BAZ1B: variants seen among roughly 807,000 people sequenced by gnomAD.
BAZ1B encodes the protein bromodomain adjacent to zinc finger domain 1B.
Under a neutral mutation model 153.8 loss-of-function variants are expected in BAZ1B, and 22 were observed. The ratio of observed to expected loss-of-function variants is 0.14; its 90% CI spans 0.10 to 0.20. The LOEUF (loss-of-function observed/expected upper bound fraction) is 0.20. Ranked by LOEUF, BAZ1B falls within the 10% of genes least tolerant of loss-of-function variation. The pLI is 1.00. For synonymous variants in BAZ1B, 676 were observed against 633.4 expected, an observed-to-expected ratio of 1.07 and a Z score of -1.01; for missense variants, 1,325 against 1,799.3, an observed-to-expected ratio of 0.74 and a Z score of 4.77.
intron 7 of BAZ1B, among the ~76,000 whole-genome samples, chr7:73,472,679 C>T (rs1345491825): frequency 6.6e-6 from 1 of 152,062 alleles, no homozygotes; most frequent in Non-Finnish European, 1.5e-5. Context: ...CAGGTTCAAG[C>T]GATTCTCCTG....
chr7:73,461,028 TGCAATG>T (rs1319711607), intron 12 of BAZ1B, among the ~76,000 whole-genome samples: 1 of 151,706 alleles, frequency 6.6e-6, no homozygotes, highest in Non-Finnish European at 1.5e-5. Context: ...CAGGCTGGAG[TGCAATG>T]GCGCGATCTC....
At chr7:73,506,008 T>C (rs999932678) in intron 3 of BAZ1B, among the ~76,000 whole-genome samples, 1 of 152,208 alleles carries the variant, frequency 6.6e-6, no homozygotes, top group Non-Finnish European at 1.5e-5. Context: ...CACTTCAAGA[T>C]TTCCGTGCAA....
At chr7:73,494,235 T>G (rs1173024784) in intron 4 of BAZ1B, among the ~76,000 whole-genome samples, 1 of 151,574 alleles carries the variant, frequency 6.6e-6, no homozygotes, top group East Asian at 1.9e-4. Flanking sequence ...TAGAAAAAAT[T>G]AGCTGGGCAT....
intron 6 of BAZ1B, among the ~76,000 whole-genome samples, chr7:73,481,416 C>G (rs10266882): frequency 6.6e-6 from 1 of 150,450 alleles, no homozygotes; most frequent in African/African-American, 2.4e-5. Flanking sequence ...ACTCGGGAGG[C>G]TGAGGCAGGA....
chr7:73,466,749 C>G (rs921852155), intron 9 of BAZ1B, among the ~76,000 whole-genome samples: 5 of 152,114 alleles, frequency 3.3e-5, no homozygotes, highest in Non-Finnish European at 4.4e-5. Flanking sequence ...TGTAGTGAAG[C>G]AGAGGTAATG....
In BAZ1B at chr7:73,466,322, G is replaced by C; in HGVS notation, c.2946C>G (p.Thr982=). The C allele has an allele frequency of 6.2e-7, 1 of 1,613,092 alleles. No homozygotes were observed. Among genetic ancestry groups the C allele is most frequent in the Non-Finnish European group, 8.5e-7 (1 of 1,179,096 alleles). The change falls in exon 10 of 20, where the codon ACC becomes ACG. Residue 982 remains threonine (T), a synonymous_variant. Transcript: ENST00000339594. ...ATAGGTTCTGTCCTTGTTTGGGTGT[G>C]GTTGTCTCTACAGCAACTTCTGTTG... ...GTATEVAVET[T]TPKQGQNLWF...
At chr7:73,442,136 T>TACC in intron 19 of BAZ1B, 45 bp downstream of exon 19, 14 of 573,488 alleles carry the variant, frequency 2.4e-5, no homozygotes, top group Non-Finnish European at 2.9e-5. Flanking sequence ...CTCGCTCGCC[T>TACC]CCCTCCCACC....
intron 2 of BAZ1B, among the ~76,000 whole-genome samples, chr7:73,510,507 G>A (rs1221111077): frequency 6.6e-6 from 1 of 152,160 alleles, no homozygotes; most frequent in Non-Finnish European, 1.5e-5. Context: ...AACACTCAAA[G>A]GCCTGGTAAA....
intron 12 of BAZ1B, among the ~76,000 whole-genome samples, chr7:73,461,430 C>A (rs372454652): frequency 6.6e-6 from 1 of 152,034 alleles, no homozygotes; most frequent in African/African-American, 2.4e-5. Context: ...AAAATGACAA[C>A]CTAACGTCAG....
chr7:73,451,124 T>C, intron 13 of BAZ1B, 130 bp from the exon 14 acceptor site: 1 of 1,192,956 alleles, frequency 8.4e-7, no homozygotes, highest in Non-Finnish European at 1.1e-6. Context: ...ATCTAAACCA[T>C]TTATTCTTAT....
intron 1 of BAZ1B, among the ~76,000 whole-genome samples, chr7:73,511,629 A>C (rs1790583371): frequency 6.6e-6 from 1 of 152,078 alleles, no homozygotes. Flanking sequence ...TGTACCAAAA[A>C]CTCATAAGAA....
intron 5 of BAZ1B, among the ~76,000 whole-genome samples, chr7:73,490,358 A>T (rs527660644): frequency 6.6e-6 from 1 of 152,366 alleles, no homozygotes; most frequent in South Asian, 2.1e-4. Flanking sequence ...TACTTTTAAA[A>T]GTCACTTAAT....
At chr7:73,459,389 T>TAAAAAA in intron 13 of BAZ1B, 147 bp downstream of exon 13, 2 of 640,756 alleles carry the variant, frequency 3.1e-6, no homozygotes, top group Non-Finnish European at 4.9e-6. Context: ...AGAAAGTGAT[T>TAAAAAA]AAAAAAAAAA....
chr7:73,443,240 GC>G (rs1374439296), intron 17 of BAZ1B, among the ~76,000 whole-genome samples: 2 of 152,212 alleles, frequency 1.3e-5, no homozygotes, highest in Non-Finnish European at 2.9e-5. Flanking sequence ...TGGGCCAACA[GC>G]AGCCAATTCT....
intron 12 of BAZ1B, chr7:73,462,646 G>A: frequency 2.4e-6 from 1 of 415,862 alleles, no homozygotes; most frequent in South Asian, 2.4e-5. Flanking sequence ...TATACGACTG[G>A]AGCCTCTACA....
At chr7:73,505,954 T>C (rs1554577688) in intron 3 of BAZ1B, among the ~76,000 whole-genome samples, 1 of 152,328 alleles carries the variant, frequency 6.6e-6, no homozygotes, top group Non-Finnish European at 1.5e-5. Context: ...ATAACTAGTA[T>C]GTATCAACCT....
Position 73,450,907 on chromosome 7 carries a change from C to T in BAZ1B, c.3520G>A (p.Ala1174Thr), listed in dbSNP as rs1554568030. The T allele has an allele frequency of 1.9e-6, 3 of 1,614,140 alleles. No individual in the cohort carries two copies. Among genetic ancestry groups the T allele is most frequent in the South Asian group, 2.2e-5 (2 of 91,072 alleles). ...RMHVLLGMLDACIKWDMSAEN... is the reference protein window; with the variant it reads ...RMHVLLGMLDTCIKWDMSAEN... Reference sequence around the variant, plus strand: ...GCGGACATATCCCACTTGATACAGGCATCAAGCATCCCAAGCAGCACGTGC... The same window carrying T: ...GCGGACATATCCCACTTGATACAGGTATCAAGCATCCCAAGCAGCACGTGC... The change falls in exon 14 of 20, where the codon GCC becomes ACC. Residue 1174 changes from alanine (A) to threonine (T), a missense_variant. Transcript: ENST00000339594. This position sits in a 1 kb window ranked among gnomAD's most constrained non-coding sequence, Gnocchi z 4.1.
chr7:73,475,941 A>G (rs1788980853), intron 7 of BAZ1B, among the ~76,000 whole-genome samples: 1 of 150,250 alleles, frequency 6.7e-6, no homozygotes, highest in Non-Finnish European at 1.5e-5. Context: ...AAAAAAAAAA[A>G]ATGTTTTAGA....
chr7:73,454,053 C>T (rs1325116518), intron 13 of BAZ1B, among the ~76,000 whole-genome samples: 2 of 152,028 alleles, frequency 1.3e-5, no homozygotes, highest in African/African-American at 4.8e-5. Context: ...AATCCCAGCA[C>T]TTTTGGAGGC....
Sources: gnomAD v4.1 joint callset for allele counts (sites outside exome capture counted in the v4.1 genomes callset) on GRCh38, gnomAD v4.1.1 for gene constraint, Gnocchi (gnomAD v3.1) non-coding constraint, MANE v1.5 for transcripts, NCBI Gene and HGNC (gene_info 2026-07-23, HGNC 2026-07-21) for gene names.